Variants in SEC16A observed in about 807,000 individuals in gnomAD.
SEC16A encodes protein transport protein Sec16A.
In SEC16A, 110 loss-of-function variants were observed where a neutral mutation model predicts 221.9. The ratio of observed to expected loss-of-function variants is 0.50; its 90% confidence interval spans 0.42 to 0.58. The LOEUF (loss-of-function observed/expected upper bound fraction) is 0.58, where lower values mean the gene tolerates loss of function less well. Ranked by LOEUF, SEC16A falls within the 20% of genes least tolerant of loss-of-function variation. The probability of loss-of-function intolerance (pLI) is 0.00; values close to 1 mark genes in which losing one functional copy is unlikely to be tolerated. For synonymous variants in SEC16A, 1,393 were observed against 1,257.7 expected, an observed-to-expected ratio of 1.11 and a Z score of -2.28; for missense variants, 3,165 against 3,097.8, an observed-to-expected ratio of 1.02 and a Z score of -0.52.
chr9:136,474,519 C>T lies in SEC16A; in HGVS notation c.3097G>A (p.Gly1033Arg). ...TAAAAACGGTCAAGGTTAGGCGCCC[C>T]AGGCCCAGATTGTCTGGGATGACTG... ...VASHPRQSGP[G>R]APNLDRFYQQ... Residue 1033 changes from glycine (G) to arginine (R), a missense_variant, in exon 3 of 32, where the codon GGG becomes AGG. Around this residue, in one of 3 missense-constraint regions of SEC16A, gnomAD observed 2,030 missense variants for 1,923.1 expected, o/e 1.06. Transcript: ENST00000684901. 6.2e-7 allele frequency: 1 copy of T among 1,612,916 alleles called. No homozygotes were observed. Among genetic ancestry groups the T allele is most frequent in the African/African-American group, 1.3e-5 (1 of 75,064 alleles).
In SEC16A at chr9:136,474,750, T is replaced by C. The variant is rs1227846105; in HGVS notation, c.2866A>G (p.Asn956Asp). ...KAGSALPGFA[N>D]SPAGSTSVVL... The stretch of plus-strand genomic sequence containing the variant: ...ACACTTGTGCTTCCAGCAGGGCTAT[T>C]AGCAAATCCGGGAAGAGCACTTCCT... The change falls in exon 3 of 32, where the codon AAT becomes GAT. Residue 956 changes from asparagine to aspartate, a missense_variant. Physicochemically the swap from Asn to Asp is conservative, Grantham distance 23 (BLOSUM62 1). This residue lies in a region of SEC16A where 2,030 missense variants were observed against 1,923.1 expected (regional missense o/e 1.06). Coordinates refer to ENST00000684901, the MANE Select transcript of SEC16A (RefSeq NM_014866.2). 6.8e-6 allele frequency: 11 copies of C among 1,613,948 alleles called. No individual in the cohort carries two copies. Among genetic ancestry groups the C allele is most frequent in the East Asian group, 2.2e-5 (1 of 44,884 alleles).
upstream of SEC16A, chr9:136,484,288 A>T (rs1020245637): frequency 5.2e-6 from 5 of 967,898 alleles, no homozygotes; most frequent in Non-Finnish European, 6.4e-6. Flanking sequence ...GACCCAGCGG[A>T]GGGGTGAGGC....
intron 30 of SEC16A, 172 bp from the exon 31 acceptor site, chr9:136,444,072 G>A: frequency 1.9e-6 from 1 of 531,980 alleles, no homozygotes. Flanking sequence ...TAATGGTTCA[G>A]AGAAAAATGG....
In SEC16A at chr9:136,441,818, G is replaced by A. The variant is rs375032713; in HGVS notation, c.7011C>T (p.Cys2337=). 595 of 1,612,696 alleles carry A rather than the reference G, an allele frequency of 3.7e-4. No individual in the cohort carries two copies. The highest frequency in any genetic ancestry group is 4.7e-4 in the Non-Finnish European group (551 of 1,179,620). The change falls in exon 32 of 32, where the codon TGC becomes TGT. Residue 2337 remains cysteine, a synonymous_variant. Coordinates refer to ENST00000684901, the MANE Select transcript of SEC16A (RefSeq NM_014866.2). ...FYNPAQLAQA[C]ATSGSSRLGR... ...CTAGCCTTGAGCTCCCGGAGGTGGC[G>A]CAGGCCTGGAATGAAATCAACAGCA...
chr9:136,473,955 C>T lies in SEC16A; in HGVS notation c.3567+94G>A, dbSNP rs1410143174. 21 of 1,375,988 alleles carry T rather than the reference C, an allele frequency of 1.5e-5. No individual in the cohort carries two copies. In the Admixed American group the frequency reaches 1.6e-4, roughly 11 times the overall value. 85.2% of individuals were successfully genotyped at this position (1,375,988 alleles called of 1,614,324 possible). The stretch of plus-strand genomic sequence containing the variant: ...GACTGTGGGTGACCCCGGAACCAAG[C>T]GAACAAACACTACTAAGGAATACAC... On this transcript the variant is annotated intron_variant, in intron 3 of 31. Transcript: ENST00000684901.
At position 136,474,643 on chromosome 9, in the gene SEC16A, G is replaced by C. The variant is rs781756872; in HGVS notation, c.2973C>G (p.Tyr991Ter). The C allele has an allele frequency of 1.2e-6, 2 of 1,613,434 alleles. No individual in the cohort carries two copies. The highest frequency in any genetic ancestry group is 1.7e-5 in the Admixed American group (1 of 59,998). The change falls in exon 3 of 32, where the codon TAC (tyrosine) becomes TAG (stop). Residue 991 changes from tyrosine (Y) to a stop codon, truncating the protein, a stop_gained. Coordinates refer to ENST00000684901, the MANE Select transcript of SEC16A (RefSeq NM_014866.2). LOFTEE classifies it high-confidence loss of function. ...ANHSSHQEDT[Y>*]GALDFTLSRT... ...TGCTTAAGGTAAAGTCTAGGGCTCC[G>C]TAAGTGTCTTCCTGATGACTGGAAT... is the stretch of plus-strand genomic sequence containing the variant.
At chr9:136,471,646 A>G (rs1182548390) in intron 4 of SEC16A, among the ~76,000 whole-genome samples, 1 of 152,212 alleles carries the variant, frequency 6.6e-6, no homozygotes, top group Non-Finnish European at 1.5e-5. Flanking sequence ...AAATGGCCGG[A>G]CCAACAGACG....
chr9:136,470,949 G>A (rs748304764), intron 4 of SEC16A, among the ~76,000 whole-genome samples: 13 of 152,162 alleles, frequency 8.5e-5, no homozygotes, highest in East Asian at 5.8e-4. Context: ...AGCCTAGCGC[G>A]GTGGCCAGGA....
In SEC16A at chr9:136,466,045, G is replaced by C. The variant is rs749855021; in HGVS notation, c.4220C>G (p.Thr1407Ser). Residue 1407 changes from threonine (T) to serine (S), a missense_variant, in exon 8 of 32, where the codon ACC becomes AGC. Physicochemically the swap from Thr to Ser is moderately conservative, Grantham distance 58. Coordinates refer to ENST00000684901, the MANE Select transcript of SEC16A (RefSeq NM_014866.2). The surrounding 1 kb of genome is among the most constrained non-coding windows in gnomAD (Gnocchi z 5.5). Reference sequence around the variant, plus strand: ...GCCACTGCTGAAATTGCTGCGGTAGGTGCCGTAGGCAAAATCGCCGTGAAA... The same window carrying C: ...GCCACTGCTGAAATTGCTGCGGTAGCTGCCGTAGGCAAAATCGCCGTGAAA... ...GSFHGDFAYG[T>S]YRSNFSSGPG... 5.6e-6 allele frequency: 9 copies of C among 1,613,590 alleles called. No homozygotes were observed. The South Asian group carries it at 9.9e-5, about 18-fold the overall frequency.
intron 18 of SEC16A, 97 bp downstream of exon 18, chr9:136,457,347 G>T: frequency 1.4e-6 from 2 of 1,383,670 alleles, no homozygotes; most frequent in Non-Finnish European, 2.0e-6. Flanking sequence ...CACAATGCGC[G>T]TCTGAACCAT....
intron 11 of SEC16A, 84 bp from the exon 12 acceptor site, chr9:136,463,216 C>G: frequency 6.5e-7 from 1 of 1,549,034 alleles, no homozygotes; most frequent in Non-Finnish European, 8.7e-7. Flanking sequence ...AAAGCCCCAC[C>G]CTGGACACAG....
intron 30 of SEC16A, among the ~76,000 whole-genome samples, chr9:136,444,308 C>T (rs1030071602): frequency 6.6e-6 from 1 of 151,874 alleles, no homozygotes; most frequent in African/African-American, 2.4e-5. Context: ...GGTGCCTGGA[C>T]AGGCAGAAGA....
At chr9:136,481,954 C>T (rs1361682246) in intron 1 of SEC16A, among the ~76,000 whole-genome samples, 1 of 152,150 alleles carries the variant, frequency 6.6e-6, no homozygotes, top group Non-Finnish European at 1.5e-5. Context: ...CATTTACCCA[C>T]TACCATGACC....
rs761106453 is a variant in SEC16A at position 136,475,502 on chromosome 9, T to G, written c.2114A>C (p.Glu705Ala). 7 of 1,609,580 alleles carry G rather than the reference T, an allele frequency of 4.3e-6. No individual in the cohort carries two copies. The Admixed American group carries it at 1.2e-4, about 27-fold the overall frequency. ...PPLDTVYPAP[E>A]KRPSARTQGP... ...CTGGGTCCTGGCTGAAGGCCTCTTC[T>G]CGGGTGCTGGATACACAGTATCCAA... Residue 705 changes from glutamate to alanine, a missense_variant, in exon 3 of 32, where the codon GAG (glutamate) becomes GCG (alanine). Glu to Ala is a moderately radical substitution (Grantham distance 107). Transcript: ENST00000684901. The surrounding 1 kb of genome is among the most constrained non-coding windows in gnomAD (Gnocchi z 5.0).
intron 28 of SEC16A, among the ~76,000 whole-genome samples, chr9:136,446,509 G>A (rs1837012878): frequency 6.6e-6 from 1 of 150,436 alleles, no homozygotes; most frequent in Non-Finnish European, 1.5e-5. Context: ...TAATTTCTCT[G>A]TAACTTAGAG....
intron 18 of SEC16A, 41 bp downstream of exon 18, chr9:136,457,403 A>G (rs1838828968): frequency 1.3e-6 from 2 of 1,563,484 alleles, no homozygotes; most frequent in East Asian, 2.4e-5. Context: ...CCTTCCCTGC[A>G]GTCAGCACAG....
chr9:136,448,267 G>C, intron 23 of SEC16A, 106 bp from the exon 24 acceptor site: 1 of 887,962 alleles, frequency 1.1e-6, no homozygotes, highest in Non-Finnish European at 1.9e-6. Flanking sequence ...AGGCCCCAGA[G>C]TCGCCAGATC....
Position 136,474,853 on chromosome 9 carries a change from A to G in SEC16A, c.2763T>C (p.Pro921=). Residue 921 remains proline (P), a synonymous_variant, in exon 3 of 32, where the codon CCT becomes CCC. Coordinates refer to ENST00000684901, the MANE Select transcript of SEC16A (RefSeq NM_014866.2). ...ATGGTGGTTGAACCAGCAAATTAGC[A>G]GGCTGATTAGAAACCATTTCGGAAG... ...SGASEMVSNQ[P]ANLLVQPPSQ... 1.2e-6 allele frequency: 2 copies of G among 1,613,948 alleles called. No homozygotes were observed. Among genetic ancestry groups the G allele is most frequent in the Non-Finnish European group, 1.7e-6 (2 of 1,179,884 alleles).
In SEC16A at chr9:136,472,470, C is replaced by T. The variant is rs116261657; in HGVS notation, c.3568-359G>A. On this transcript the variant is annotated intron_variant, in intron 3 of 31. Coordinates refer to ENST00000684901, the MANE Select transcript of SEC16A (RefSeq NM_014866.2). Reference sequence around the variant, plus strand: ...GGGCTGTGGCGACTTCTGGAAGGGGCTGTTAGGTTTCTGCTTCCTGATAAG... The same window carrying T: ...GGGCTGTGGCGACTTCTGGAAGGGGTTGTTAGGTTTCTGCTTCCTGATAAG... Among the ~76,000 whole-genome samples the T allele has an allele frequency of 9.7e-3, 1,473 of 152,328 alleles. 27 individuals are homozygous for T. Among genetic ancestry groups the T allele is most frequent in the African/African-American group, 0.033 (1,362 of 41,568 alleles).
Sources: allele counts gnomAD v4.1 joint callset (sites outside exome capture counted in the v4.1 genomes callset), GRCh38; gene constraint gnomAD v4.1.1; regional missense constraint gnomAD v4.1.1; non-coding constraint Gnocchi (gnomAD v3.1); transcripts MANE v1.5; gene names NCBI Gene and HGNC (gene_info 2026-07-23, HGNC 2026-07-21).